The following ANKRD28 variants were observed in gnomAD, a reference collection of about 807,000 sequenced individuals.
ANKRD28 encodes ankyrin repeat domain 28.
A neutral mutation model predicts 126.5 loss-of-function variants in ANKRD28; 44 were observed. The ratio of observed to expected loss-of-function variants is 0.35; its 90% CI spans 0.27 to 0.45. The LOEUF (loss-of-function observed/expected upper bound fraction) is 0.45, where lower values mean the gene tolerates loss of function less well. Among genes scored for constraint, ANKRD28 ranks in the 20% least tolerant of loss-of-function variants. The pLI is 1.00. For missense variants in ANKRD28, 1,110 were observed against 1,316.6 expected, an observed-to-expected ratio of 0.84 and a Z score of 2.43; for synonymous variants, 442 against 468.5, an observed-to-expected ratio of 0.94 and a Z score of 0.73.
upstream of ANKRD28, among the ~76,000 whole-genome samples, chr3:15,798,817 A>G (rs1269322675): frequency 6.6e-6 from 1 of 152,096 alleles, no homozygotes; most frequent in African/African-American, 2.4e-5. Flanking sequence ...ATATTTCTCA[A>G]GAGAAAACTT....
intron 2 of ANKRD28, among the ~76,000 whole-genome samples, chr3:15,767,767 A>C (rs1479867438): frequency 1.4e-5 from 2 of 139,634 alleles, no homozygotes; most frequent in Non-Finnish European, 3.1e-5. Context: ...GGGTGCCTGT[A>C]GTCCTGGCTA....
intron 11 of ANKRD28, among the ~76,000 whole-genome samples, 159 bp downstream of exon 11, chr3:15,711,981 C>A (rs2072350717): frequency 6.6e-6 from 1 of 152,064 alleles, no homozygotes; most frequent in South Asian, 2.1e-4. Flanking sequence ...CAGGCATGAG[C>A]CACCACGCCA....
At chr3:15,777,140 A>T (rs13088356) in intron 2 of ANKRD28, among the ~76,000 whole-genome samples, 1 of 151,732 alleles carries the variant, frequency 6.6e-6, no homozygotes, top group Admixed American at 6.6e-5. Context: ...TGGGCTTAGC[A>T]GTGGGCATCT....
At position 15,679,338 on chromosome 3, in the gene ANKRD28, C is replaced by T. The variant is rs2067280433; in HGVS notation, c.2524G>A (p.Gly842Ser). 6.2e-7 allele frequency: 1 copy of T among 1,613,986 alleles called. No individual in the cohort carries two copies. Residue 842 changes from glycine (G) to serine (S), a missense_variant, in exon 23 of 28, where the codon GGT (glycine) becomes AGT (serine). Physicochemically the swap from Gly to Ser is moderately conservative, Grantham distance 56. Transcript: ENST00000683139. ...GAAEMLIDTL[G>S]ASIVNATDSK... is the part of the protein sequence containing the mutation. The stretch of plus-strand genomic sequence containing the variant: ...TCTGTGGCGTTCACAATGCTGGCAC[C>T]TAATGTATCAATTAACATCTCAGCA...
At chr3:15,786,891 C>T (rs1238135499) in intron 2 of ANKRD28, among the ~76,000 whole-genome samples, 1 of 151,876 alleles carries the variant, frequency 6.6e-6, no homozygotes, top group Non-Finnish European at 1.5e-5. Flanking sequence ...AATACTGAAC[C>T]TAGAGGAAAG....
chr3:15,765,847 CAAAA>C (rs202083902), intron 3 of ANKRD28, among the ~76,000 whole-genome samples: 3 of 133,102 alleles, frequency 2.3e-5, no homozygotes. Context: ...AACCAAAAAC[CAAAA>C]AAAAAAAAAA....
In ANKRD28 at chr3:15,686,303, T is replaced by C. The variant is rs1353363162; in HGVS notation, c.1970A>G (p.Asn657Ser). 5 of 1,576,866 alleles carry C rather than the reference T, an allele frequency of 3.2e-6. No homozygotes were observed. The highest frequency in any genetic ancestry group is 1.2e-5 in the South Asian group (1 of 86,384). The stretch of plus-strand genomic sequence containing the variant: ...TAGCCGTAAGCATTCTGAATGACCA[T>C]TTGTTGCTGTAAAGTGAAATTTAAA... ...KRTPIHAAAT[N>S]GHSECLRLLI... is the part of the protein sequence containing the mutation. The change falls in exon 19 of 28, where the codon AAT becomes AGT. Residue 657 changes from asparagine (N) to serine (S), a missense_variant. Transcript: ENST00000683139.
chr3:15,756,461 A>T (rs1042581629), intron 3 of ANKRD28: 1 of 982,098 alleles, frequency 1.0e-6, no homozygotes, highest in African/African-American at 1.7e-5. Flanking sequence ...ATTCAAAAAC[A>T]AAAACTTGAT....
intron 4 of ANKRD28, chr3:15,738,656 T>C (rs2075208221): frequency 6.6e-6 from 1 of 152,244 alleles, no homozygotes; most frequent in Non-Finnish European, 1.5e-5. Flanking sequence ...TATGGTGACC[T>C]CCCGGGAGCG....
chr3:15,700,076 T>A (rs1343008382), intron 14 of ANKRD28, among the ~76,000 whole-genome samples: 2 of 152,324 alleles, frequency 1.3e-5, no homozygotes, highest in Middle Eastern at 6.8e-3. Flanking sequence ...TGAGTTCATG[T>A]CCTTTGCAGG....
At chr3:15,714,502 T>A in intron 9 of ANKRD28, 76 bp downstream of exon 9, 1 of 1,042,886 alleles carries the variant, frequency 9.6e-7, no homozygotes. Context: ...TCAATACCAT[T>A]CATTTGGTGG....
intron 6 of ANKRD28, among the ~76,000 whole-genome samples, chr3:15,733,874 T>C (rs887505275): frequency 3.9e-5 from 6 of 152,264 alleles, no homozygotes; most frequent in South Asian, 2.1e-4. Flanking sequence ...GTTTTCATTA[T>C]AGGCATAGGA....
At chr3:15,855,664 G>A (rs2061750473) in intron 1 of ANKRD28, among the ~76,000 whole-genome samples, 1 of 152,150 alleles carries the variant, frequency 6.6e-6, no homozygotes, top group East Asian at 1.9e-4. Flanking sequence ...AATATGCTAA[G>A]TGAATGAGAC....
chr3:15,842,217 T>C (rs2125972668), intron 1 of ANKRD28, among the ~76,000 whole-genome samples: 1 of 152,092 alleles, frequency 6.6e-6, no homozygotes, highest in Non-Finnish European at 1.5e-5. Context: ...ACACATACTG[T>C]TCAGCTATAA....
At chr3:15,850,447 T>C (rs2061628685) in intron 1 of ANKRD28, among the ~76,000 whole-genome samples, 1 of 152,130 alleles carries the variant, frequency 6.6e-6, no homozygotes, top group Admixed American at 6.5e-5. Flanking sequence ...TGGAGAGTAC[T>C]AGCCTGAAAT....
intron 1 of ANKRD28, among the ~76,000 whole-genome samples, chr3:15,813,269 G>A (rs892385417): frequency 6.6e-6 from 1 of 152,110 alleles, no homozygotes; most frequent in African/African-American, 2.4e-5. Context: ...GGGAGGCTGA[G>A]GTGGGATGAT....
chr3:15,711,387 G>A (rs2072255680), intron 11 of ANKRD28, 113 bp from the exon 12 acceptor site: 4 of 814,628 alleles, frequency 4.9e-6, no homozygotes, highest in Middle Eastern at 3.4e-4. Context: ...CAAAACTATG[G>A]GTTCTTAAGT....
At chr3:15,813,125 A>G (rs2060755987) in intron 1 of ANKRD28, among the ~76,000 whole-genome samples, 1 of 147,996 alleles carries the variant, frequency 6.8e-6, no homozygotes, top group Non-Finnish European at 1.5e-5. Flanking sequence ...GCACTTTGGG[A>G]GGCTGAGGTG....
intron 8 of ANKRD28, among the ~76,000 whole-genome samples, chr3:15,720,439 A>G (rs757007392): frequency 6.6e-6 from 1 of 152,220 alleles, no homozygotes; most frequent in Middle Eastern, 3.2e-3. Context: ...CAGACATCAT[A>G]CATGTCACCT....
Sources: allele counts gnomAD v4.1 joint callset (sites outside exome capture counted in the v4.1 genomes callset), GRCh38; gene constraint gnomAD v4.1.1; transcripts MANE v1.5; gene names NCBI Gene and HGNC (gene_info 2026-07-23, HGNC 2026-07-21).